The following HIVEP3 variants were observed in gnomAD, a reference collection of about 807,000 sequenced individuals.
HIVEP3 encodes transcription factor HIVEP3.
A neutral mutation model predicts 152.8 loss-of-function variants in HIVEP3; 49 were observed. The observed-to-expected ratio is 0.32, with a 90% CI of 0.26 to 0.41. HIVEP3 has a LOEUF of 0.41. HIVEP3 is among the 10% of genes least tolerant of loss of function. The pLI is 1.00. For missense variants in HIVEP3, 2,790 were observed against 3,103.3 expected (o/e 0.90, Z 2.40); for synonymous variants, 1,269 against 1,289.0 (o/e 0.98, Z 0.33).
intron 1 of HIVEP3, among the ~76,000 whole-genome samples, chr1:41,774,080 T>C (rs1365602886): frequency 6.6e-6 from 1 of 152,188 alleles, no homozygotes. Context: ...TCCAATGAGA[T>C]GAGAGGGGAT....
chr1:41,740,510 T>G (rs545421122), intron 1 of HIVEP3, among the ~76,000 whole-genome samples: 2 of 152,210 alleles, frequency 1.3e-5, no homozygotes, highest in Non-Finnish European at 2.9e-5. Flanking sequence ...GGCAAGCCCA[T>G]GACAGCAGTT....
intron 1 of HIVEP3, among the ~76,000 whole-genome samples, chr1:41,779,597 G>A (rs1648916555): frequency 6.6e-6 from 1 of 152,242 alleles, no homozygotes; most frequent in Non-Finnish European, 1.5e-5. Context: ...CAGGGTTCAA[G>A]CGATTCTCCT....
At chr1:41,564,748 C>T (rs1345206877) in intron 5 of HIVEP3, among the ~76,000 whole-genome samples, 1 of 152,228 alleles carries the variant, frequency 6.6e-6, no homozygotes, top group Non-Finnish European at 1.5e-5. Flanking sequence ...AAGTATTTCC[C>T]TCTCATGCAT....
chr1:41,538,380 G>A (rs74069907), intron 5 of HIVEP3, among the ~76,000 whole-genome samples: 38,291 of 151,964 alleles, frequency 0.25, 4,957 homozygotes, highest in Non-Finnish European at 0.28. Flanking sequence ...GGGGAGAGTG[G>A]GTCAAGGATG....
intron 1 of HIVEP3, among the ~76,000 whole-genome samples, chr1:41,997,246 G>T (rs963729222): frequency 6.6e-6 from 1 of 152,206 alleles, no homozygotes; most frequent in African/African-American, 2.4e-5. Flanking sequence ...AGGGGTCATA[G>T]ACCCAACCTC....
At chr1:41,646,598 A>G (rs113208159) in intron 2 of HIVEP3, among the ~76,000 whole-genome samples, 4,268 of 152,308 alleles carry the variant, frequency 0.028, 79 homozygotes, top group Middle Eastern at 0.054. Context: ...TGGTCTGGCC[A>G]ACGGGGACCC....
chr1:41,825,872 T>TGGGAG (rs1642788910), intron 1 of HIVEP3, among the ~76,000 whole-genome samples: 1 of 152,050 alleles, frequency 6.6e-6, no homozygotes, highest in South Asian at 2.1e-4. Context: ...CCTCCCAAAG[T>TGGGAG]GCTAGAATTA....
In HIVEP3 at chr1:41,545,290, CCAT is replaced by C. The variant is rs1435562769; in HGVS notation, c.5208-20383_5208-20381del. Among the ~76,000 whole-genome samples, 107 of 133,904 alleles carry C rather than the reference CCAT, an allele frequency of 8.0e-4. 1 individual carries two copies. The highest frequency in any genetic ancestry group is 1.2e-3 in the Non-Finnish European group (73 of 59,604). The allele number at this position is 133,904 out of a possible 152,430, so 87.8% of individuals were successfully genotyped here. A position where few individuals can be genotyped will look rare whatever the true frequency, so the allele number is the denominator to read the frequency against. On this transcript the variant is annotated intron_variant, in intron 5 of 8. Transcript: ENST00000372583. The stretch of plus-strand genomic sequence containing the variant: ...ACCACCACCATCACTACCACCACCA[CCAT>C]CACCACCTCTACCACCATCGCTACC...
At chr1:41,786,032 T>G (rs1649329429) in intron 1 of HIVEP3, among the ~76,000 whole-genome samples, 1 of 151,858 alleles carries the variant, frequency 6.6e-6, no homozygotes, top group Non-Finnish European at 1.5e-5. Flanking sequence ...CCCCACCTCA[T>G]AAGGGTGTTG....
At chr1:41,757,354 T>C (rs1647374008) in intron 1 of HIVEP3, among the ~76,000 whole-genome samples, 1 of 152,006 alleles carries the variant, frequency 6.6e-6, no homozygotes, top group Non-Finnish European at 1.5e-5. Context: ...CCTGACGTCG[T>C]GATCCACCCG....
intron 2 of HIVEP3, among the ~76,000 whole-genome samples, chr1:41,696,663 A>AGT (rs1646281673): frequency 6.6e-6 from 1 of 152,232 alleles, no homozygotes; most frequent in Non-Finnish European, 1.5e-5. Context: ...GTTCCTCCCA[A>AGT]GCACAGAGAC....
intron 1 of HIVEP3, among the ~76,000 whole-genome samples, chr1:41,786,690 C>A (rs1367516295): frequency 6.6e-6 from 1 of 152,152 alleles, no homozygotes; most frequent in African/African-American, 2.4e-5. Context: ...AGCTTGCCGA[C>A]CCCTGTTCTA....
intron 6 of HIVEP3, 73 bp downstream of exon 6, chr1:41,524,662 C>G: frequency 7.0e-7 from 1 of 1,419,168 alleles, no homozygotes; most frequent in Non-Finnish European, 1.0e-6. Flanking sequence ...GGCACCTGAA[C>G]TCTGTGCTGG....
At chr1:42,019,010 T>C (rs749056237) in intron 1 of HIVEP3, among the ~76,000 whole-genome samples, 4 of 152,088 alleles carry the variant, frequency 2.6e-5, no homozygotes, top group Non-Finnish European at 4.4e-5. Context: ...TTTTATCTTG[T>C]TAATCTTGTC....
chr1:41,885,990 G>A (rs1189696879), intron 1 of HIVEP3, among the ~76,000 whole-genome samples: 1 of 152,166 alleles, frequency 6.6e-6, no homozygotes, highest in Non-Finnish European at 1.5e-5. Context: ...AAGGAAGAAA[G>A]TTTCAGGGCC....
chr1:42,003,825 C>A (rs566950526), intron 1 of HIVEP3, among the ~76,000 whole-genome samples: 1 of 150,412 alleles, frequency 6.6e-6, no homozygotes, highest in East Asian at 1.9e-4. Context: ...CTCAAGAGTA[C>A]AGTAAAGAGA....
chr1:41,620,494 C>T (rs1645031348), intron 3 of HIVEP3, among the ~76,000 whole-genome samples: 1 of 152,084 alleles, frequency 6.6e-6, no homozygotes, highest in African/African-American at 2.4e-5. Flanking sequence ...TCCATCCAAG[C>T]TTTTTCTTCC....
chr1:41,960,280 C>T (rs1645162510), intron 1 of HIVEP3, among the ~76,000 whole-genome samples: 1 of 152,100 alleles, frequency 6.6e-6, no homozygotes, highest in Non-Finnish European at 1.5e-5. Context: ...TAGTTTGTCC[C>T]AATAACCCAA....
intron 1 of HIVEP3, among the ~76,000 whole-genome samples, chr1:41,952,422 G>GTTCATTCATTCATTCATTCA (rs142386133): frequency 6.6e-6 from 1 of 150,986 alleles, no homozygotes; most frequent in African/African-American, 2.4e-5. Flanking sequence ...ATTTTCTTTT[G>GTTCATTCATTCATTCATTCA]TTCATTCATT....
Sources: gnomAD v4.1 joint callset for allele counts (sites outside exome capture counted in the v4.1 genomes callset) on GRCh38, gnomAD v4.1.1 for gene constraint, MANE v1.5 for transcripts, NCBI Gene and HGNC (gene_info 2026-07-23, HGNC 2026-07-21) for gene names.